The following LAMA3 variants were observed in gnomAD, a reference collection of about 807,000 sequenced individuals.
The protein encoded by LAMA3 is laminin subunit alpha 3.
In LAMA3, 281 loss-of-function variants were observed where a neutral mutation model predicts 402.0. That is an observed-to-expected ratio of 0.70 (90% CI 0.63 to 0.77). The LOEUF (loss-of-function observed/expected upper bound fraction) is 0.77, where lower values mean the gene tolerates loss of function less well. Ranked by LOEUF, LAMA3 falls within the 30% of genes least tolerant of loss-of-function variation. The pLI is 0.00. For synonymous variants in LAMA3, 1,431 were observed against 1,558.4 expected, an observed-to-expected ratio of 0.92 and a Z score of 1.93; for missense variants, 3,840 against 4,215.5, an observed-to-expected ratio of 0.91 and a Z score of 2.47.
chr18:23,847,658 G>A lies in LAMA3; in HGVS notation c.4126G>A (p.Gly1376Arg), dbSNP rs996572847. ...AAMPECDRDSGQCRCKPRITG... is the reference protein window; with the variant it reads ...AAMPECDRDSRQCRCKPRITG... ...CATGCCGGAGTGTGACCGGGACAGC[G>A]GGCAGTGCAGGTGAGCTGGGGGAGT... Residue 1376 changes from glycine to arginine, a missense_variant, in exon 32 of 75, where the codon GGG (glycine) becomes AGG (arginine). Transcript: ENST00000313654. 10 of 1,613,180 alleles carry A rather than the reference G, an allele frequency of 6.2e-6. No individual in the cohort carries two copies. Among genetic ancestry groups the A allele is most frequent in the African/African-American group, 2.7e-5 (2 of 74,944 alleles).
At position 23,894,981 on chromosome 18, in the gene LAMA3, C is replaced by G. The variant is rs777048715; in HGVS notation, c.5536C>G (p.Gln1846Glu). 4 of 1,613,868 alleles carry G rather than the reference C, an allele frequency of 2.5e-6. No individual in the cohort carries two copies. The highest frequency in any genetic ancestry group is 3.4e-6 in the Non-Finnish European group (4 of 1,179,938). ...MGEQLRLVKS[Q>E]LQGLSASAGL... The stretch of plus-strand genomic sequence containing the variant: ...CGAGCAGCTCCGCCTGGTCAAGTCT[C>G]AGCTGCAGGGCCTGAGTGCCAGCGC... The change falls in exon 44 of 75, where the codon CAG (glutamine) becomes GAG (glutamate). Residue 1846 changes from glutamine (Q) to glutamate (E), a missense_variant. Transcript: ENST00000313654.
intron 34 of LAMA3, among the ~76,000 whole-genome samples, chr18:23,860,002 C>G (rs1036413489): frequency 6.6e-6 from 1 of 152,140 alleles, no homozygotes; most frequent in African/African-American, 2.4e-5. Flanking sequence ...GTCTTAGAAG[C>G]TCTGGCCTCA....
In LAMA3 at chr18:23,689,789, G is replaced by A; in HGVS notation, c.106G>A (p.Ala36Thr). 2 of 1,533,214 alleles carry A rather than the reference G, an allele frequency of 1.3e-6. No homozygotes were observed. The highest frequency in any genetic ancestry group is 1.4e-5 in the African/African-American group (1 of 70,626). The allele number at this position is 1,533,214 out of a possible 1,614,324, so 95.0% of individuals were successfully genotyped here. Residue 36 changes from alanine (A) to threonine (T), a missense_variant, in exon 1 of 75, where the codon GCT becomes ACT. Coordinates refer to ENST00000313654, the MANE Select transcript of LAMA3 (RefSeq NM_198129.4). ...LRVLPACGAT[A>T]RDPGAAAGLS... The stretch of plus-strand genomic sequence containing the variant: ...GGTGCTGCCAGCCTGCGGGGCGACC[G>A]CTCGGGATCCCGGGGCCGCGGCCGG...
chr18:23,904,421 T>C, intron 50 of LAMA3, 132 bp from the exon 51 acceptor site: 1 of 1,101,840 alleles, frequency 9.1e-7, no homozygotes. Context: ...CTTTATTTTA[T>C]TTTGTTTTTT....
At chr18:23,715,124 T>A (rs2061072967) in intron 2 of LAMA3, among the ~76,000 whole-genome samples, 1 of 152,040 alleles carries the variant, frequency 6.6e-6, no homozygotes, top group Non-Finnish European at 1.5e-5. Flanking sequence ...AATTGGGGCG[T>A]GACTAATAAT....
At chr18:23,878,398 G>A (rs142122531) in intron 39 of LAMA3, among the ~76,000 whole-genome samples, 2 of 152,342 alleles carry the variant, frequency 1.3e-5, no homozygotes, top group Non-Finnish European at 2.9e-5. Context: ...AGTGTGGCAG[G>A]TACTGAGCTA....
rs143170913 is a variant in LAMA3 at position 23,950,077 on chromosome 18, G to A, written c.9560G>A (p.Arg3187His). ...GPEFKLVFSI[R>H]PRSLTGILIH... ...GAATTTAAGCTTGTTTTCAGCATCC[G>A]CCCAAGAAGTCTCACTGGGATCCTA... Residue 3187 changes from arginine (R) to histidine (H), a missense_variant, in exon 72 of 75, where the codon CGC (arginine) becomes CAC (histidine). By Grantham distance (29) the Arg-to-His change is conservative (BLOSUM62 0). Around this residue, in one of 3 missense-constraint regions of LAMA3, gnomAD observed 840 missense variants for 981.9 expected, o/e 0.86. Transcript: ENST00000313654. 1.2e-5 allele frequency: 19 copies of A among 1,614,018 alleles called. No homozygotes were observed. The African/African-American group carries it at 1.3e-4, about 11-fold the overall frequency.
At chr18:23,901,035 G>C in intron 47 of LAMA3, 92 bp from the exon 48 acceptor site, 1 of 1,139,392 alleles carries the variant, frequency 8.8e-7, no homozygotes, top group Non-Finnish European at 1.3e-6. Context: ...ACCATGAAAT[G>C]AGTAGAAACT....
chr18:23,889,056 C>T (rs1370979927), intron 41 of LAMA3, among the ~76,000 whole-genome samples: 2 of 152,112 alleles, frequency 1.3e-5, no homozygotes, highest in African/African-American at 4.8e-5. Context: ...AAGGTAGCAG[C>T]TGTAACTGCT....
At chr18:23,816,957 G>A (rs2063187907) in intron 18 of LAMA3, among the ~76,000 whole-genome samples, 1 of 152,130 alleles carries the variant, frequency 6.6e-6, no homozygotes, top group Non-Finnish European at 1.5e-5. Flanking sequence ...AATAAGAGAA[G>A]GCATAAGAGG....
chr18:23,848,255 C>G (rs1217694804), intron 32 of LAMA3, among the ~76,000 whole-genome samples: 1 of 151,954 alleles, frequency 6.6e-6, no homozygotes, highest in Non-Finnish European at 1.5e-5. Flanking sequence ...AGTGGGGCTG[C>G]CCTCAGAGGA....
chr18:23,916,597 G>A lies in LAMA3; in HGVS notation c.7825G>A (p.Ala2609Thr). ...AAATTATTTTGAAGGTACGGGCTAT[G>A]CTCGAGTTCCAACTCAACCACATGC... The part of the protein sequence containing the change: ...DKNYFEGTGY[A>T]RVPTQPHAPI... The change falls in exon 60 of 75, where the codon GCT becomes ACT. Residue 2609 changes from alanine to threonine, a missense_variant. Ala to Thr is a moderately conservative substitution (Grantham distance 58). Coordinates refer to ENST00000313654, the MANE Select transcript of LAMA3 (RefSeq NM_198129.4). 1.2e-6 allele frequency: 2 copies of A among 1,614,120 alleles called. No individual in the cohort carries two copies. Among genetic ancestry groups the A allele is most frequent in the Non-Finnish European group, 1.7e-6 (2 of 1,179,968 alleles).
chr18:23,919,904 G>C (rs2081771851), intron 60 of LAMA3, among the ~76,000 whole-genome samples: 1 of 152,136 alleles, frequency 6.6e-6, no homozygotes, highest in Admixed American at 6.5e-5. Flanking sequence ...CCGGCGGGTT[G>C]TTGCTGCAGG....
At chr18:23,765,338 C>T (rs1339172516) in intron 8 of LAMA3, among the ~76,000 whole-genome samples, 2 of 152,222 alleles carry the variant, frequency 1.3e-5, no homozygotes, top group Non-Finnish European at 2.9e-5. Context: ...AAGTTTCTGA[C>T]TGACCCCTCA....
intron 11 of LAMA3, among the ~76,000 whole-genome samples, chr18:23,779,085 G>A (rs894321121): frequency 4.6e-5 from 7 of 152,180 alleles, no homozygotes; most frequent in East Asian, 1.9e-4. Flanking sequence ...GAGACCAGGT[G>A]TGTGAAAGTG....
intron 72 of LAMA3, 54 bp downstream of exon 72, chr18:23,950,213 C>T (rs1004321592): frequency 1.2e-5 from 19 of 1,608,860 alleles, no homozygotes; most frequent in Admixed American, 3.3e-5. Flanking sequence ...GCTTCAATGT[C>T]TGGAGGCCAC....
intron 32 of LAMA3, among the ~76,000 whole-genome samples, chr18:23,854,079 C>T (rs1300110547): frequency 6.6e-6 from 1 of 152,226 alleles, no homozygotes; most frequent in African/African-American, 2.4e-5. Context: ...CTGCTCTCCT[C>T]CCTCTGCTCT....
At chr18:23,927,497 C>T (rs1415237907) in intron 62 of LAMA3, among the ~76,000 whole-genome samples, 7 of 152,104 alleles carry the variant, frequency 4.6e-5, no homozygotes, top group African/African-American at 1.4e-4. Flanking sequence ...TGGCAATAAC[C>T]CTTTGCCCAC....
chr18:23,899,070 G>C lies in LAMA3; in HGVS notation c.5836+5G>C, dbSNP rs1199371846. 7 of 1,606,680 alleles carry C rather than the reference G, an allele frequency of 4.4e-6. No homozygotes were observed. Among genetic ancestry groups the C allele is most frequent in the Non-Finnish European group, 6.0e-6 (7 of 1,173,474 alleles). On this transcript the variant is annotated splice_donor_5th_base_variant and intron_variant, in intron 46 of 74. Transcript: ENST00000313654. ...ATGTCATCCGGAATGTGCACAGTAA[G>C]AAGAGTTATTAAGCCCAATTACATT...
Sources: allele counts gnomAD v4.1 joint callset (sites outside exome capture counted in the v4.1 genomes callset), GRCh38; gene constraint gnomAD v4.1.1; regional missense constraint gnomAD v4.1.1; transcripts MANE v1.5; gene names NCBI Gene and HGNC (gene_info 2026-07-23, HGNC 2026-07-21).